Variants in RARB observed in about 807,000 individuals in gnomAD.
RARB encodes the protein retinoic acid receptor beta.
Under a neutral mutation model 51.9 loss-of-function variants are expected in RARB, and 17 were observed. The ratio of observed to expected loss-of-function variants is 0.33; its 90% CI spans 0.22 to 0.49. The LOEUF is 0.49. Among genes scored for constraint, RARB ranks in the 20% least tolerant of loss-of-function variants. RARB has a pLI of 0.99. For missense variants in RARB, 369 were observed against 550.8 expected (o/e 0.67, Z 3.30); for synonymous variants, 215 against 195.4 (o/e 1.10, Z -0.84).
At chr3:25,464,923 T>C (rs34761979) in intron 2 of RARB, among the ~76,000 whole-genome samples, 21,479 of 152,136 alleles carry the variant, frequency 0.14, 1,725 homozygotes, top group African/African-American at 0.22. Context: ...GGTTATACAA[T>C]TAATATAGTA....
chr3:25,501,502 CAGTT>C (rs1468249032), intron 3 of RARB, among the ~76,000 whole-genome samples, 179 bp downstream of exon 3: 38 of 152,226 alleles, frequency 2.5e-4, no homozygotes, highest in African/African-American at 8.4e-4. Context: ...ACTTGAGTGA[CAGTT>C]GGTGGAAAGG....
intron 5 of RARB, among the ~76,000 whole-genome samples, chr3:25,285,068 G>T (rs957045266): frequency 3.3e-5 from 5 of 152,196 alleles, no homozygotes; most frequent in Non-Finnish European, 7.3e-5. Flanking sequence ...TCCAGGTACT[G>T]TGTTAGATAG....
rs552920962 is a variant in RARB, at chr3:25,565,250, T to C, written c.449-4508T>C. On this transcript the variant is annotated intron_variant, in intron 3 of 7. Coordinates refer to ENST00000330688, the MANE Select transcript of RARB (RefSeq NM_000965.5). ...GCCTCAGGCAGGGTACTCACCTTCC[T>C]GTGCCTCCACTTTCTCATCTGCAAA... Among the ~76,000 whole-genome samples the C allele has an allele frequency of 1.1e-4, 16 of 152,330 alleles. No individual in the cohort carries two copies. In the South Asian group the frequency reaches 2.1e-3, roughly 20 times the overall value.
At chr3:25,503,718 A>G (rs536699729) in intron 3 of RARB, among the ~76,000 whole-genome samples, 1 of 152,364 alleles carries the variant, frequency 6.6e-6, no homozygotes, top group South Asian at 2.1e-4. Flanking sequence ...TTGAGAGTCT[A>G]ATTGGATATT....
At chr3:25,067,135 G>A (rs1433870087) in intron 3 of RARB, among the ~76,000 whole-genome samples, 7 of 152,276 alleles carry the variant, frequency 4.6e-5, no homozygotes, top group Admixed American at 2.0e-4. Context: ...GGCTGATCAC[G>A]GGTGAGCACC....
At chr3:25,114,867 A>T (rs541802280) in intron 3 of RARB, among the ~76,000 whole-genome samples, 1 of 152,314 alleles carries the variant, frequency 6.6e-6, no homozygotes, top group South Asian at 2.1e-4. Flanking sequence ...GTCATAGAGG[A>T]TGATATTGTA....
At chr3:25,292,648 G>C (rs1318184005) in intron 5 of RARB, among the ~76,000 whole-genome samples, 1 of 152,118 alleles carries the variant, frequency 6.6e-6, no homozygotes, top group Non-Finnish European at 1.5e-5. Context: ...TTCCTCTTTA[G>C]CTTTCTTAAT....
At chr3:24,869,543 T>C (rs926276943) in intron 2 of RARB, among the ~76,000 whole-genome samples, 1 of 152,122 alleles carries the variant, frequency 6.6e-6, no homozygotes, top group African/African-American at 2.4e-5. Flanking sequence ...ACAAAATGCA[T>C]ATACATATGA....
At chr3:25,250,802 G>C (rs939632302) in intron 5 of RARB, among the ~76,000 whole-genome samples, 11 of 152,152 alleles carry the variant, frequency 7.2e-5, no homozygotes, top group African/African-American at 2.7e-4. Flanking sequence ...GCTGTCATGT[G>C]ATCTTCAGGC....
intron 1 of RARB, among the ~76,000 whole-genome samples, chr3:25,438,563 T>G (rs1225716138): frequency 6.6e-6 from 1 of 152,196 alleles, no homozygotes; most frequent in Non-Finnish European, 1.5e-5. Flanking sequence ...ATAAGTGAGA[T>G]GTCATCTTCA....
chr3:24,946,402 T>C (rs1345274407), intron 2 of RARB, among the ~76,000 whole-genome samples: 2 of 151,744 alleles, frequency 1.3e-5, no homozygotes, highest in East Asian at 3.9e-4. Context: ...TCATTGCCTT[T>C]AGAAATTAGA....
At chr3:25,389,493 C>A (rs1706887763) in intron 5 of RARB, among the ~76,000 whole-genome samples, 1 of 152,114 alleles carries the variant, frequency 6.6e-6, no homozygotes, top group African/African-American at 2.4e-5. Flanking sequence ...GCAATAGGAC[C>A]AACTCAGCGG....
At chr3:25,474,136 T>C (rs1051616155) in intron 2 of RARB, among the ~76,000 whole-genome samples, 2 of 152,158 alleles carry the variant, frequency 1.3e-5, no homozygotes, top group Admixed American at 6.6e-5. Context: ...ACTGGGCTTT[T>C]GAATCTGAAA....
At chr3:25,559,088 G>A (rs895340625) in intron 3 of RARB, among the ~76,000 whole-genome samples, 1 of 152,026 alleles carries the variant, frequency 6.6e-6, no homozygotes, top group Non-Finnish European at 1.5e-5. Context: ...CCTCCTGAAT[G>A]AGACCCCATC....
intron 2 of RARB, among the ~76,000 whole-genome samples, chr3:24,976,471 G>A (rs1373279016): frequency 4.6e-5 from 7 of 152,112 alleles, no homozygotes; most frequent in South Asian, 4.1e-4. Context: ...TCTAACTGCC[G>A]TGGGATGGTA....
intron 2 of RARB, among the ~76,000 whole-genome samples, chr3:24,921,331 A>G (rs1695212245): frequency 6.6e-6 from 1 of 152,102 alleles, no homozygotes; most frequent in East Asian, 1.9e-4. Context: ...ACTCCTCTGT[A>G]TCACTCCGCT....
At position 25,361,748 on chromosome 3, in the gene RARB, G is replaced by A. The variant is rs536602635; in HGVS notation, c.179-99445G>A. 2.6e-5 allele frequency among the ~76,000 whole-genome samples: 4 copies of A among 152,304 alleles called. 1 individual carries two copies. The South Asian group carries it at 8.3e-4, about 32-fold the overall frequency. ...CTACCAGTCGGTCCCCTCTTCTGCA[G>A]GTCTGCTGGAGTTTGCTGGGGTCCA... On this transcript the variant is annotated intron_variant, in intron 5 of 11. Transcript: ENST00000383772.
intron 2 of RARB, among the ~76,000 whole-genome samples, chr3:24,905,203 T>C (rs577923646): frequency 4.6e-5 from 7 of 152,324 alleles, no homozygotes; most frequent in African/African-American, 1.7e-4. Context: ...ATTTATTTCA[T>C]AGATGGTAGA....
intron 1 of RARB, among the ~76,000 whole-genome samples, chr3:25,438,634 A>T (rs9871002): frequency 0.13 from 20,348 of 152,130 alleles, 1,544 homozygotes; most frequent in Admixed American, 0.22. Flanking sequence ...TAAGGGGCAG[A>T]GTGTGGTTTC....
Sources: allele counts gnomAD v4.1 joint callset (sites outside exome capture counted in the v4.1 genomes callset), GRCh38; gene constraint gnomAD v4.1.1; transcripts MANE v1.5; gene names NCBI Gene and HGNC (gene_info 2026-07-23, HGNC 2026-07-21).